NOS1AP: variants seen among roughly 807,000 people sequenced by gnomAD.
NOS1AP encodes the protein carboxyl-terminal PDZ ligand of neuronal nitric oxide synthase protein.
Under a neutral mutation model 56.2 loss-of-function variants are expected in NOS1AP, and 21 were observed. The observed-to-expected ratio is 0.37, with a 90% CI of 0.26 to 0.54. The LOEUF is 0.54. NOS1AP is among the 20% of genes least tolerant of loss of function. The probability of loss-of-function intolerance (pLI) is 0.84; values close to 1 mark genes in which losing one functional copy is unlikely to be tolerated. For missense variants in NOS1AP, 522 were observed against 657.8 expected (o/e 0.79, Z 2.26); for synonymous variants, 270 against 274.6 (o/e 0.98, Z 0.17).
intron 2 of NOS1AP, among the ~76,000 whole-genome samples, chr1:162,207,822 A>G (rs1338539485): frequency 7.2e-5 from 11 of 152,222 alleles, no homozygotes; most frequent in Non-Finnish European, 1.6e-4. Flanking sequence ...GTGATTGTGA[A>G]TGACTGTGTT....
chr1:162,076,739 C>A (rs1691777696), intron 1 of NOS1AP, among the ~76,000 whole-genome samples: 2 of 152,292 alleles, frequency 1.3e-5, no homozygotes, highest in Non-Finnish European at 2.9e-5. Flanking sequence ...ATGGCACACA[C>A]CTGTAATCCT....
intron 2 of NOS1AP, among the ~76,000 whole-genome samples, chr1:162,252,314 T>G (rs1406781059): frequency 6.6e-6 from 1 of 152,156 alleles, no homozygotes; most frequent in Non-Finnish European, 1.5e-5. Context: ...CCCAACATGC[T>G]GGCTGGGATT....
At chr1:162,194,395 C>T (rs1651736310) in intron 2 of NOS1AP, among the ~76,000 whole-genome samples, 1 of 152,248 alleles carries the variant, frequency 6.6e-6, no homozygotes, top group South Asian at 2.1e-4. Context: ...TTGGGAACCC[C>T]TCTCTCTGGC....
At chr1:162,140,894 T>C (rs1649208728) in intron 1 of NOS1AP, among the ~76,000 whole-genome samples, 1 of 152,248 alleles carries the variant, frequency 6.6e-6, no homozygotes, top group South Asian at 2.1e-4. Flanking sequence ...TCTCTAGTGA[T>C]GATGAGCATT....
intron 2 of NOS1AP, among the ~76,000 whole-genome samples, chr1:162,237,535 A>G (rs963195185): frequency 7.2e-5 from 11 of 152,240 alleles, no homozygotes; most frequent in Non-Finnish European, 1.3e-4. Context: ...CTGGTTTGTT[A>G]AGGATACTGG....
intron 2 of NOS1AP, among the ~76,000 whole-genome samples, chr1:162,216,217 C>T (rs1326803537): frequency 6.6e-6 from 1 of 152,210 alleles, no homozygotes; most frequent in Non-Finnish European, 1.5e-5. Flanking sequence ...TGTCCCATTC[C>T]TACTCTTACT....
At chr1:162,131,179 G>A (rs1015486108) in intron 1 of NOS1AP, among the ~76,000 whole-genome samples, 1 of 152,052 alleles carries the variant, frequency 6.6e-6, no homozygotes, top group Non-Finnish European at 1.5e-5. Flanking sequence ...TTCTGTGCTA[G>A]GTGCTAGGTT....
chr1:162,112,328 G>C (rs1647742940), intron 1 of NOS1AP, among the ~76,000 whole-genome samples: 1 of 152,200 alleles, frequency 6.6e-6, no homozygotes, highest in Non-Finnish European at 1.5e-5. Context: ...GGAAAAGAAG[G>C]CTTGAGTTGT....
At chr1:162,074,417 C>G (rs762793707) in intron 1 of NOS1AP, among the ~76,000 whole-genome samples, 3 of 152,230 alleles carry the variant, frequency 2.0e-5, no homozygotes, top group South Asian at 4.2e-4. Context: ...CTTATATCTG[C>G]GTGTATGATA....
intron 1 of NOS1AP, among the ~76,000 whole-genome samples, chr1:162,152,603 G>A (rs909894599): frequency 2.6e-5 from 4 of 152,232 alleles, no homozygotes; most frequent in African/African-American, 9.6e-5. Context: ...ACCTCAGCAA[G>A]CTGCAAGGTT....
chr1:162,335,169 G>A (rs1356148962), intron 5 of NOS1AP, among the ~76,000 whole-genome samples: 2 of 152,138 alleles, frequency 1.3e-5, no homozygotes, highest in Non-Finnish European at 2.9e-5. Flanking sequence ...CTCTTACAGC[G>A]AATTCTGATC....
intron 2 of NOS1AP, among the ~76,000 whole-genome samples, chr1:162,267,908 G>A (rs1029108432): frequency 6.6e-6 from 1 of 152,194 alleles, no homozygotes; most frequent in African/African-American, 2.4e-5. Context: ...CTCTTGAAAG[G>A]CTTAAGATGT....
intron 8 of NOS1AP, among the ~76,000 whole-genome samples, chr1:162,357,516 A>G (rs1657742638): frequency 6.6e-6 from 1 of 152,170 alleles, no homozygotes; most frequent in East Asian, 1.9e-4. Context: ...TTGTGGCTTT[A>G]TGATACCACT....
chr1:162,222,873 A>C (rs1652826656), intron 2 of NOS1AP, among the ~76,000 whole-genome samples: 1 of 152,220 alleles, frequency 6.6e-6, no homozygotes, highest in Admixed American at 6.5e-5. Flanking sequence ...TGAGGTTAAG[A>C]TCACGTGTGC....
At chr1:162,079,213 A>G (rs1398264568) in intron 1 of NOS1AP, among the ~76,000 whole-genome samples, 2 of 152,148 alleles carry the variant, frequency 1.3e-5, no homozygotes, top group Non-Finnish European at 2.9e-5. Context: ...TCCAATGAAA[A>G]TACCAAGTAA....
intron 2 of NOS1AP, among the ~76,000 whole-genome samples, chr1:162,237,146 G>A (rs1653320560): frequency 1.3e-5 from 2 of 152,298 alleles, no homozygotes; most frequent in African/African-American, 4.8e-5. Flanking sequence ...AGTTAATCAA[G>A]TCTTTTCAAG....
intron 2 of NOS1AP, among the ~76,000 whole-genome samples, chr1:162,180,194 G>A (rs756549158): frequency 2.6e-5 from 4 of 151,998 alleles, no homozygotes; most frequent in Non-Finnish European, 5.9e-5. Context: ...AATGTGCCAG[G>A]CCCTTGTGTA....
At chr1:162,299,232 G>A (rs2341744) in intron 3 of NOS1AP, among the ~76,000 whole-genome samples, 72,440 of 151,924 alleles carry the variant, frequency 0.48, 17,557 homozygotes, top group Middle Eastern at 0.59. Flanking sequence ...AATCTGCTGG[G>A]TTAAGAGGAG....
intron 1 of NOS1AP, among the ~76,000 whole-genome samples, chr1:162,143,732 G>A (rs1276824726): frequency 2.0e-5 from 3 of 152,140 alleles, no homozygotes; most frequent in Non-Finnish European, 4.4e-5. Context: ...AAAGTGCTGG[G>A]ATTTCAGGAG....
Sources: gnomAD v4.1 joint callset for allele counts (sites outside exome capture counted in the v4.1 genomes callset) on GRCh38, gnomAD v4.1.1 for gene constraint, MANE v1.5 for transcripts, NCBI Gene and HGNC (gene_info 2026-07-23, HGNC 2026-07-21) for gene names.